TEX36: variants seen among roughly 807,000 people sequenced by gnomAD.
TEX36 encodes the protein testis-expressed protein 36.
TEX36 carries 12 observed loss-of-function variants against 13.6 expected under a neutral mutation model. The ratio of observed to expected loss-of-function variants is 0.88; its 90% CI spans 0.56 to 1.43. The LOEUF is 1.43. Among genes scored for constraint, TEX36 ranks in the 40% most tolerant of loss-of-function variants. The pLI, the probability that TEX36 is intolerant of heterozygous loss-of-function variation, is 0.00. For missense variants in TEX36, 224 were observed against 228.3 expected, an observed-to-expected ratio of 0.98 and a Z score of 0.12; for synonymous variants, 93 against 83.0, an observed-to-expected ratio of 1.12 and a Z score of -0.65.
intron 3 of TEX36, among the ~76,000 whole-genome samples, chr10:125,611,025 C>T (rs1460056548): frequency 6.6e-6 from 1 of 152,138 alleles, no homozygotes; most frequent in African/African-American, 2.4e-5. Context: ...GTGTAACCTG[C>T]CTTTTTTTCA....
intron 1 of TEX36, chr10:125,667,676 C>A (rs113659146): frequency 4.1e-6 from 3 of 723,578 alleles, no homozygotes; most frequent in African/African-American, 1.7e-5. Context: ...GGGGAAAGGA[C>A]GCCCATCATC....
Position 125,656,167 on chromosome 10 carries a change from A to G in TEX36, c.294T>C (p.Asp98=), listed in dbSNP as rs184831551. Residue 98 remains aspartate, a synonymous_variant, in exon 4 of 4, where the codon GAT becomes GAC. Transcript: ENST00000368821. ...SGLGRKKISP[D]KRQHVSRNFN... ...AATTTCTTGAAACATGTTGCCTCTT[A>G]TCTGGAGAGATCTTCTTACGTCCCA... 5.9e-6 allele frequency: 9 copies of G among 1,523,758 alleles called. No homozygotes were observed. Among genetic ancestry groups the G allele is most frequent in the Middle Eastern group, 1.7e-4 (1 of 5,872 alleles). The allele number at this position is 1,523,758 out of a possible 1,614,324, so 94.4% of individuals were successfully genotyped here.
At chr10:125,582,944 C>A (rs1845900933) in intron 3 of TEX36, among the ~76,000 whole-genome samples, 1 of 152,092 alleles carries the variant, frequency 6.6e-6, no homozygotes, top group South Asian at 2.1e-4. Context: ...GAGATCTATT[C>A]CACTTAGGTA....
At chr10:125,662,206 T>C (rs987401355) in intron 1 of TEX36, among the ~76,000 whole-genome samples, 1 of 152,214 alleles carries the variant, frequency 6.6e-6, no homozygotes, top group Non-Finnish European at 1.5e-5. Flanking sequence ...CCACCCCTGC[T>C]GAGCTGGAGC....
intron 3 of TEX36, among the ~76,000 whole-genome samples, chr10:125,594,260 T>C (rs1404370546): frequency 1.3e-5 from 2 of 152,224 alleles, no homozygotes; most frequent in African/African-American, 2.4e-5. Flanking sequence ...TAGATATATA[T>C]TTAAATAAGC....
chr10:125,595,987 A>G lies in TEX36; in HGVS notation c.265-19113T>C, dbSNP rs74162830. 7.7e-3 allele frequency among the ~76,000 whole-genome samples: 1,180 copies of G among 152,358 alleles called. 17 individuals are homozygous for G. The highest frequency in any genetic ancestry group is 0.027 in the African/African-American group (1,140 of 41,576). On this transcript the variant is annotated intron_variant, in intron 3 of 3. Coordinates refer to the TEX36 transcript ENST00000532135. ...AAACAAAGAAAGAAATCTCACTTAT[A>G]AAGTTAGATGTCAGGAATCTTATGA... is the stretch of plus-strand genomic sequence containing the variant.
rs555427819 is a variant in TEX36, at chr10:125,588,471, G to A, written c.265-11597C>T. ...GCTCTACAGGAAGCAGAGTGCTGGC[G>A]TCTGCTTCTAGTGAAGACCTCAGGA... is the stretch of plus-strand genomic sequence containing the variant. On this transcript the variant is annotated intron_variant, in intron 3 of 3. Coordinates refer to the TEX36 transcript ENST00000532135. 8.5e-5 allele frequency among the ~76,000 whole-genome samples: 13 copies of A among 152,322 alleles called. No homozygotes were observed. In the South Asian group the frequency reaches 1.7e-3, roughly 19 times the overall value.
rs374762971 is a variant in TEX36 at position 125,661,853 on chromosome 10, C to T, written c.176G>A (p.Arg59Gln). 35 of 1,551,708 alleles carry T rather than the reference C, an allele frequency of 2.3e-5. No individual in the cohort carries two copies. The highest frequency in any genetic ancestry group is 3.9e-5 in the Admixed American group (2 of 50,982). The stretch of plus-strand genomic sequence containing the variant: ...CCAGTGTTCAGGACTCACCTTCTCC[C>T]GGACTTTGTATATGGGCGGCAGCTT... ...EGKLPPIYKV[R>Q]EKQAVNNQFP... The change falls in exon 2 of 4, where the codon CGG becomes CAG. Residue 59 changes from arginine (R) to glutamine (Q), a missense_variant. Transcript: ENST00000368821.
chr10:125,621,006 A>G (rs1432390555), downstream of TEX36, among the ~76,000 whole-genome samples: 1 of 152,148 alleles, frequency 6.6e-6, no homozygotes, highest in Non-Finnish European at 1.5e-5. Flanking sequence ...TGGATAGACC[A>G]CATTTTGTGT....
downstream of TEX36, among the ~76,000 whole-genome samples, chr10:125,652,267 T>C (rs1846873118): frequency 6.6e-6 from 1 of 152,190 alleles, no homozygotes; most frequent in African/African-American, 2.4e-5. Flanking sequence ...CAAAACAGCA[T>C]GGTACTGGTA....
downstream of TEX36, among the ~76,000 whole-genome samples, chr10:125,618,049 G>T (rs890081951): frequency 6.6e-6 from 1 of 151,780 alleles, no homozygotes; most frequent in African/African-American, 2.4e-5. Context: ...ATCTTCCATC[G>T]CTGATACCCT....
downstream of TEX36, among the ~76,000 whole-genome samples, chr10:125,620,016 A>G (rs1038289771): frequency 2.0e-5 from 3 of 152,094 alleles, no homozygotes; most frequent in Non-Finnish European, 2.9e-5. Flanking sequence ...TGCATCTTGT[A>G]CCTAAGCATT....
chr10:125,673,727 A>G (rs1340308842), intron 1 of TEX36, among the ~76,000 whole-genome samples: 1 of 151,602 alleles, frequency 6.6e-6, no homozygotes, highest in African/African-American at 2.4e-5. Flanking sequence ...AAAAAAAAAA[A>G]AAAAAAGGTT....
chr10:125,584,508 G>T (rs887020095), intron 3 of TEX36, among the ~76,000 whole-genome samples: 1 of 152,206 alleles, frequency 6.6e-6, no homozygotes. Flanking sequence ...GATCTGAAAT[G>T]CATCTTCTAC....
chr10:125,642,089 G>T (rs1424415672), intron 3 of TEX36, among the ~76,000 whole-genome samples: 1 of 152,142 alleles, frequency 6.6e-6, no homozygotes, highest in Non-Finnish European at 1.5e-5. Flanking sequence ...GTGGAATTAT[G>T]TGTCACTCCT....
At chr10:125,608,267 T>A (rs1846239377) in intron 3 of TEX36, among the ~76,000 whole-genome samples, 1 of 122,766 alleles carries the variant, frequency 8.1e-6, no homozygotes, top group Non-Finnish European at 1.6e-5. Flanking sequence ...GGAAATGTCC[T>A]ATAGATTGTG....
chr10:125,617,426 A>G (rs947084965), downstream of TEX36, among the ~76,000 whole-genome samples: 3 of 152,132 alleles, frequency 2.0e-5, no homozygotes, highest in Middle Eastern at 3.2e-3. Flanking sequence ...GGCTGGTACC[A>G]GTTGTTCCTT....
chr10:125,636,450 G>A (rs1438754263), intron 3 of TEX36, among the ~76,000 whole-genome samples: 1 of 151,486 alleles, frequency 6.6e-6, no homozygotes, highest in Non-Finnish European at 1.5e-5. Flanking sequence ...TCCTGACCTC[G>A]TGATCCACCT....
At chr10:125,607,236 C>G (rs1846226065) in intron 3 of TEX36, among the ~76,000 whole-genome samples, 1 of 152,208 alleles carries the variant, frequency 6.6e-6, no homozygotes, top group Non-Finnish European at 1.5e-5. Flanking sequence ...CCTTCCAAAG[C>G]ATAAAGTCAT....
Sources: gnomAD v4.1 joint callset for allele counts (sites outside exome capture counted in the v4.1 genomes callset) on GRCh38, gnomAD v4.1.1 for gene constraint, MANE v1.5 for transcripts, NCBI Gene and HGNC (gene_info 2026-07-23, HGNC 2026-07-21) for gene names.